SH3BGRL2: variants seen among roughly 807,000 people sequenced by gnomAD.
SH3BGRL2 encodes SH3 domain-binding glutamic acid-rich-like protein 2.
In SH3BGRL2, 21 loss-of-function variants were observed where a neutral mutation model predicts 14.8. The ratio of observed to expected loss-of-function variants is 1.42; its 90% CI spans 1.01 to 2.05. The LOEUF is 2.05. Ranked by LOEUF, SH3BGRL2 falls within the 30% of genes most tolerant of loss-of-function variation. SH3BGRL2 has a pLI of 0.00. For synonymous variants in SH3BGRL2, 50 were observed against 47.8 expected, an observed-to-expected ratio of 1.05 and a Z score of -0.19; for missense variants, 147 against 130.8, an observed-to-expected ratio of 1.12 and a Z score of -0.61.
chr6:79,631,622 C>A, intron 1 of SH3BGRL2, 116 bp downstream of exon 1: 1 of 779,328 alleles, frequency 1.3e-6, no homozygotes, highest in Non-Finnish European at 1.7e-6. Context: ...CGCGGGAGCC[C>A]GCGCCCGGCA....
chr6:79,630,587 G>C (rs1390717116), upstream of SH3BGRL2, among the ~76,000 whole-genome samples: 1 of 152,228 alleles, frequency 6.6e-6, no homozygotes, highest in African/African-American at 2.4e-5. Flanking sequence ...GTAAATATTA[G>C]GTGCACAGAG....
the SH3BGRL2 span, among the ~76,000 whole-genome samples, chr6:79,571,315 C>T: frequency 6.6e-6 from 1 of 152,148 alleles, no homozygotes; most frequent in African/African-American, 2.4e-5. Flanking sequence ...AACCATCTTA[C>T]ATTGTAAAAG....
At chr6:79,667,715 G>A (rs1277652901) in intron 1 of SH3BGRL2, among the ~76,000 whole-genome samples, 2 of 152,118 alleles carry the variant, frequency 1.3e-5, no homozygotes, top group Non-Finnish European at 2.9e-5. Context: ...CCAAAGTGCT[G>A]GGATTACAGG....
At chr6:79,576,012 C>A in the SH3BGRL2 span, among the ~76,000 whole-genome samples, 4 of 151,664 alleles carry the variant, frequency 2.6e-5, no homozygotes, top group Non-Finnish European at 5.9e-5. Context: ...TAGTAATTAC[C>A]CTTTATTGTT....
At chr6:79,595,925 A>G in the SH3BGRL2 span, among the ~76,000 whole-genome samples, 2 of 152,224 alleles carry the variant, frequency 1.3e-5, no homozygotes, top group Admixed American at 6.5e-5. Flanking sequence ...AGAAAATCCT[A>G]CGGATTCCAC....
chr6:79,602,228 A>C, the SH3BGRL2 span, among the ~76,000 whole-genome samples: 1,270 of 152,346 alleles, frequency 8.3e-3, 11 homozygotes, highest in South Asian at 0.014. Context: ...GTGCCCTCAT[A>C]GACCTTAGAG....
At chr6:79,610,454 G>C in the SH3BGRL2 span, among the ~76,000 whole-genome samples, 11 of 152,298 alleles carry the variant, frequency 7.2e-5, no homozygotes, top group Admixed American at 3.9e-4. Context: ...CCTGCCTTAC[G>C]CACAACAGGG....
At chr6:79,649,542 T>G (rs1296210159) in intron 1 of SH3BGRL2, among the ~76,000 whole-genome samples, 2 of 152,150 alleles carry the variant, frequency 1.3e-5, no homozygotes, top group Non-Finnish European at 1.5e-5. Flanking sequence ...AGCACCTTTT[T>G]TTGCCTTTCA....
At chr6:79,623,109 C>T in the SH3BGRL2 span, among the ~76,000 whole-genome samples, 3 of 151,988 alleles carry the variant, frequency 2.0e-5, no homozygotes, top group Admixed American at 6.6e-5. Context: ...AGTTCAAGAC[C>T]AGCCTGGCCA....
intron 1 of SH3BGRL2, among the ~76,000 whole-genome samples, chr6:79,653,169 A>G (rs1285263243): frequency 6.6e-6 from 1 of 152,212 alleles, no homozygotes; most frequent in African/African-American, 2.4e-5. Context: ...TTTTAGCAGC[A>G]GCTAGTCTTC....
rs1249537246 is a variant in SH3BGRL2 at position 79,703,191 on chromosome 6, G to A, written c.*3682G>A. 2.6e-5 allele frequency: 4 copies of A among 152,172 alleles called. No homozygotes were observed. Among genetic ancestry groups the A allele is most frequent in the African/African-American group, 9.7e-5 (4 of 41,428 alleles). 9.4% of individuals were successfully genotyped at this position (152,172 alleles called of 1,614,324 possible). On this transcript the variant is annotated 3_prime_UTR_variant, in exon 4 of 4. Coordinates refer to ENST00000369838, the MANE Select transcript of SH3BGRL2 (RefSeq NM_031469.4). ...ATCAAGCCCCTAAAATGTGGTAAGT[G>A]TTGTCAGAGCAGGGCAATATCTCTA...
the SH3BGRL2 span, among the ~76,000 whole-genome samples, chr6:79,617,199 GA>G: frequency 0.73 from 109,451 of 149,128 alleles, 40,323 homozygotes; most frequent in East Asian, 0.94. Context: ...ACAAAAAAAA[GA>G]AAAAAAAAAG....
the SH3BGRL2 span, among the ~76,000 whole-genome samples, chr6:79,553,353 C>T: frequency 6.6e-6 from 1 of 152,118 alleles, no homozygotes; most frequent in Non-Finnish European, 1.5e-5. Context: ...ATCACAAAAG[C>T]TCAGCTTTAG....
At chr6:79,640,291 G>A (rs1769004932) in intron 1 of SH3BGRL2, among the ~76,000 whole-genome samples, 1 of 152,178 alleles carries the variant, frequency 6.6e-6, no homozygotes, top group African/African-American at 2.4e-5. Flanking sequence ...ACAGTGGACT[G>A]TGGTAATTTA....
chr6:79,574,255 T>C, the SH3BGRL2 span: 1 of 152,184 alleles, frequency 6.6e-6, no homozygotes, highest in Admixed American at 6.5e-5. Context: ...AAAGTGGTTT[T>C]AGCCTTCCAC....
intron 1 of SH3BGRL2, among the ~76,000 whole-genome samples, chr6:79,653,901 G>A (rs550805020): frequency 2.0e-5 from 3 of 152,262 alleles, no homozygotes; most frequent in African/African-American, 7.2e-5. Flanking sequence ...GTGGTCTCAA[G>A]GTTCTAATAG....
At chr6:79,571,983 C>T in the SH3BGRL2 span, among the ~76,000 whole-genome samples, 2 of 152,186 alleles carry the variant, frequency 1.3e-5, no homozygotes, top group Non-Finnish European at 2.9e-5. Flanking sequence ...ATACACCATT[C>T]CCCCAACCTC....
chr6:79,547,966 A>C, the SH3BGRL2 span, among the ~76,000 whole-genome samples: 1 of 152,138 alleles, frequency 6.6e-6, no homozygotes, highest in African/African-American at 2.4e-5. Flanking sequence ...CCTAGGCTCA[A>C]GCAGTCCTCC....
chr6:79,683,463 CT>C (rs1322387979), intron 2 of SH3BGRL2, among the ~76,000 whole-genome samples: 290 of 144,052 alleles, frequency 2.0e-3, no homozygotes, highest in Non-Finnish European at 2.3e-3. Context: ...AAACATCCTT[CT>C]TTTTTTTTTT....
Sources: allele counts gnomAD v4.1 joint callset (sites outside exome capture counted in the v4.1 genomes callset), GRCh38; gene constraint gnomAD v4.1.1; transcripts MANE v1.5; gene names NCBI Gene and HGNC (gene_info 2026-07-23, HGNC 2026-07-21).